The following TMTC1 variants were observed in gnomAD, a reference collection of about 807,000 sequenced individuals.
The protein encoded by TMTC1 is transmembrane O-mannosyltransferase targeting cadherins 1, also known as protein O-mannosyl-transferase TMTC1.
Under a neutral mutation model 104.8 loss-of-function variants are expected in TMTC1, and 73 were observed. The ratio of observed to expected loss-of-function variants is 0.70; its 90% CI spans 0.58 to 0.85. The LOEUF (loss-of-function observed/expected upper bound fraction) is 0.85, where lower values mean the gene tolerates loss of function less well. TMTC1 is among the 40% of genes least tolerant of loss of function. The pLI, the probability that TMTC1 is intolerant of heterozygous loss-of-function variation, is 0.00. For missense variants in TMTC1, 1,035 were observed against 1,096.1 expected (o/e 0.94, Z 0.79); for synonymous variants, 434 against 428.7 (o/e 1.01, Z -0.15).
chr12:29,695,830 A>ATATATATATATATATATATATAG (rs1555188384), intron 5 of TMTC1, among the ~76,000 whole-genome samples: 1 of 66,010 alleles, frequency 1.5e-5, no homozygotes, highest in Non-Finnish European at 4.2e-5. Flanking sequence ...TATATATATA[A>ATATATATATATATATATATATAG]CCTGTCTTCA....
At chr12:29,531,622 C>T (rs958923373) in intron 11 of TMTC1, among the ~76,000 whole-genome samples, 5 of 152,076 alleles carry the variant, frequency 3.3e-5, no homozygotes, top group African/African-American at 1.2e-4. Context: ...ATTTACTACC[C>T]TATCTGTGAA....
intron 9 of TMTC1, among the ~76,000 whole-genome samples, chr12:29,570,500 A>T (rs1338353832): frequency 6.6e-6 from 1 of 152,216 alleles, no homozygotes; most frequent in African/African-American, 2.4e-5. Context: ...AATTCTTGTA[A>T]TATTTGGGAA....
At chr12:29,748,962 T>C (rs1040722284) in intron 5 of TMTC1, among the ~76,000 whole-genome samples, 3 of 152,214 alleles carry the variant, frequency 2.0e-5, no homozygotes, top group African/African-American at 7.2e-5. Flanking sequence ...TTTGAGGTTA[T>C]TTATGTCTAT....
chr12:29,627,790 T>G (rs1381670912), intron 6 of TMTC1, among the ~76,000 whole-genome samples: 1 of 152,104 alleles, frequency 6.6e-6, no homozygotes, highest in Non-Finnish European at 1.5e-5. Context: ...TATTAAAATA[T>G]TCTGGCATAT....
chr12:29,632,892 A>C (rs11050328), intron 6 of TMTC1, among the ~76,000 whole-genome samples: 25,783 of 152,086 alleles, frequency 0.17, 3,632 homozygotes, highest in East Asian at 0.52. Flanking sequence ...CAAATAAATT[A>C]CTTTGAAAAT....
At chr12:29,650,642 A>G (rs978540214) in intron 5 of TMTC1, among the ~76,000 whole-genome samples, 5 of 152,248 alleles carry the variant, frequency 3.3e-5, no homozygotes, top group African/African-American at 1.2e-4. Flanking sequence ...AACTAAGTGT[A>G]CAGACTAGAA....
At chr12:29,512,211 A>G (rs1943859516) in intron 16 of TMTC1, 91 bp from the exon 17 acceptor site, 2 of 1,047,002 alleles carry the variant, frequency 1.9e-6, no homozygotes, top group African/African-American at 1.6e-5. Context: ...GAAAATTTAA[A>G]GTAGTAATAC....
intron 5 of TMTC1, among the ~76,000 whole-genome samples, chr12:29,730,399 G>A (rs1442299715): frequency 1.3e-5 from 2 of 152,204 alleles, no homozygotes; most frequent in Non-Finnish European, 2.9e-5. Context: ...TTAGGAATAT[G>A]TGTCACTTAA....
At chr12:29,736,056 T>C (rs1165412852) in intron 5 of TMTC1, among the ~76,000 whole-genome samples, 1 of 152,080 alleles carries the variant, frequency 6.6e-6, no homozygotes, top group African/African-American at 2.4e-5. Flanking sequence ...TCCAGTCCAT[T>C]CTCTCTGGGG....
intron 7 of TMTC1, among the ~76,000 whole-genome samples, chr12:29,597,237 T>C (rs867625780): frequency 0.039 from 5,242 of 135,944 alleles, 360 homozygotes; most frequent in African/African-American, 0.15. Context: ...TTCTTTCTTT[T>C]CTTTCTTTTT....
intron 5 of TMTC1, among the ~76,000 whole-genome samples, chr12:29,723,596 C>T (rs1347607039): frequency 1.3e-5 from 2 of 152,028 alleles, no homozygotes; most frequent in Non-Finnish European, 2.9e-5. Flanking sequence ...TCTGTAATCC[C>T]AGCTACTTGG....
chr12:29,783,626 G>T lies in TMTC1; in HGVS notation c.126C>A (p.Gly42=), dbSNP rs1295281873. The change falls in exon 1 of 18, where the codon GGC becomes GGA. Residue 42 remains glycine (G), a synonymous_variant. Transcript: ENST00000539277. The surrounding 1 kb of genome is among the most constrained non-coding windows in gnomAD (Gnocchi z 4.7). The part of the protein sequence containing the change: ...LLAGASCLCY[G]RSLQGEFVHD... ...GCACGAACTCGCCCTGCAGGGAGCG[G>T]CCGTAGCACAGGCAGCTTGCCCCGG... is the stretch of plus-strand genomic sequence containing the variant. 1 of 1,454,682 alleles carries T rather than the reference G, an allele frequency of 6.9e-7. No homozygotes were observed. Among genetic ancestry groups the T allele is most frequent in the Non-Finnish European group, 9.0e-7 (1 of 1,105,242 alleles). 90.1% of individuals were successfully genotyped at this position (1,454,682 alleles called of 1,614,324 possible).
chr12:29,696,053 C>T (rs1273287026), intron 5 of TMTC1, among the ~76,000 whole-genome samples: 4 of 151,760 alleles, frequency 2.6e-5, no homozygotes, highest in Non-Finnish European at 5.9e-5. Flanking sequence ...TGGTGTTTTT[C>T]CAAAGGAGAT....
intron 1 of TMTC1, among the ~76,000 whole-genome samples, chr12:29,776,330 C>T (rs1943706586): frequency 2.6e-5 from 4 of 152,174 alleles, no homozygotes; most frequent in Non-Finnish European, 5.9e-5. Flanking sequence ...AAAGTCATCC[C>T]TTTCAGAATC....
Position 29,783,277 on chromosome 12 carries a change from G to C in TMTC1, c.302+173C>G, listed in dbSNP as rs1024836364. ...CCGCCCCGAGAGCCCAGATTAGCCG[G>C]GCAGTGGATCCCGGAGCAAAGTGCC... On this transcript the variant is annotated intron_variant, in intron 1 of 17. Coordinates refer to ENST00000539277, the MANE Select transcript of TMTC1 (RefSeq NM_001193451.2). This position sits in a 1 kb window ranked among gnomAD's most constrained non-coding sequence, Gnocchi z 4.7. Among the ~76,000 whole-genome samples, 3 of 152,300 alleles carry C rather than the reference G, an allele frequency of 2.0e-5. No individual in the cohort carries two copies. The highest frequency in any genetic ancestry group is 3.9e-4 in the East Asian group (2 of 5,170).
chr12:29,536,379 CT>C, intron 10 of TMTC1, 62 bp from the exon 11 acceptor site: 1 of 1,008,032 alleles, frequency 9.9e-7, no homozygotes, highest in Middle Eastern at 2.1e-4. Context: ...TTTCAATCCT[CT>C]GATTAGACTC....
intron 15 of TMTC1, among the ~76,000 whole-genome samples, chr12:29,515,645 T>C (rs1263918006): frequency 6.6e-6 from 1 of 152,074 alleles, no homozygotes; most frequent in East Asian, 1.9e-4. Context: ...TTGGGAGAGG[T>C]AGCGCTTCAT....
At chr12:29,573,083 G>A (rs1217338891) in intron 8 of TMTC1, among the ~76,000 whole-genome samples, 1 of 152,072 alleles carries the variant, frequency 6.6e-6, no homozygotes, top group Non-Finnish European at 1.5e-5. Context: ...GCATCTACAA[G>A]GTCATCGCTT....
At chr12:29,640,678 C>G (rs2091451762) in intron 5 of TMTC1, 1 of 152,180 alleles carries the variant, frequency 6.6e-6, no homozygotes, top group South Asian at 2.1e-4. Context: ...CCACAGGGAT[C>G]CAATGGGAGA....
Sources: gnomAD v4.1 joint callset for allele counts (sites outside exome capture counted in the v4.1 genomes callset) on GRCh38, gnomAD v4.1.1 for gene constraint, Gnocchi (gnomAD v3.1) non-coding constraint, MANE v1.5 for transcripts, NCBI Gene and HGNC (gene_info 2026-07-23, HGNC 2026-07-21) for gene names.